ADGRL2: variants seen among roughly 807,000 people sequenced by gnomAD.
ADGRL2 encodes calcium-independent alpha-latrotoxin receptor 2.
In ADGRL2, 44 loss-of-function variants were observed where a neutral mutation model predicts 157.4. That is an observed-to-expected ratio of 0.28 (90% CI 0.22 to 0.36). The LOEUF (loss-of-function observed/expected upper bound fraction) is 0.36, where lower values mean the gene tolerates loss of function less well. Ranked by LOEUF, ADGRL2 falls within the 10% of genes least tolerant of loss-of-function variation. The pLI is 1.00. For missense variants in ADGRL2, 1,510 were observed against 1,768.9 expected (o/e 0.85, Z 2.63); for synonymous variants, 585 against 624.7 (o/e 0.94, Z 0.95).
intron 1 of ADGRL2, among the ~76,000 whole-genome samples, chr1:81,421,175 G>A (rs1239639096): frequency 3.3e-5 from 5 of 152,024 alleles, no homozygotes; most frequent in South Asian, 2.1e-4. Context: ...CTCCTATTAC[G>A]TGTTTATTTA....
At chr1:81,816,058 T>G (rs1309776187) in intron 1 of ADGRL2, among the ~76,000 whole-genome samples, 4 of 151,828 alleles carry the variant, frequency 2.6e-5, no homozygotes, top group Non-Finnish European at 5.9e-5. Flanking sequence ...AGTGCAAGCA[T>G]CACTTAAGTA....
At chr1:81,312,579 C>T (rs1426356359) in intron 1 of ADGRL2, among the ~76,000 whole-genome samples, 2 of 152,204 alleles carry the variant, frequency 1.3e-5, no homozygotes, top group Non-Finnish European at 2.9e-5. Flanking sequence ...CATTGAGGTA[C>T]TCTAACCACA....
intron 3 of ADGRL2, among the ~76,000 whole-genome samples, chr1:81,639,764 A>T (rs2082183377): frequency 6.6e-6 from 1 of 152,136 alleles, no homozygotes; most frequent in African/African-American, 2.4e-5. Context: ...AAAATATATG[A>T]GACAAACTCT....
chr1:81,913,523 T>C (rs753130821), intron 3 of ADGRL2, among the ~76,000 whole-genome samples: 22 of 152,148 alleles, frequency 1.4e-4, no homozygotes, highest in Non-Finnish European at 3.1e-4. Flanking sequence ...GCCATATAAA[T>C]AGGGACTCTG....
At chr1:81,496,336 G>A (rs571922348) in intron 2 of ADGRL2, among the ~76,000 whole-genome samples, 1 of 152,262 alleles carries the variant, frequency 6.6e-6, no homozygotes, top group African/African-American at 2.4e-5. Flanking sequence ...TTAATAAAAT[G>A]TCTGTCAACT....
At chr1:81,501,622 A>G (rs1264206397) in intron 2 of ADGRL2, among the ~76,000 whole-genome samples, 2 of 152,236 alleles carry the variant, frequency 1.3e-5, no homozygotes, top group Admixed American at 6.5e-5. Context: ...GGAGTCCGAG[A>G]CGCAGCTGCC....
At chr1:81,885,341 A>C (rs1219261488) in intron 2 of ADGRL2, among the ~76,000 whole-genome samples, 3 of 152,202 alleles carry the variant, frequency 2.0e-5, no homozygotes, top group Non-Finnish European at 2.9e-5. Flanking sequence ...AAAATGTTTA[A>C]CTTTAGACAT....
At chr1:81,613,426 A>G (rs2148677274) in intron 3 of ADGRL2, among the ~76,000 whole-genome samples, 1 of 152,308 alleles carries the variant, frequency 6.6e-6, no homozygotes, top group South Asian at 2.1e-4. Flanking sequence ...CCGTAACTGA[A>G]TCTTGAAGGT....
In ADGRL2 at chr1:81,939,596, G is replaced by A. The variant is rs149854285; in HGVS notation, c.398-2438G>A. Among the ~76,000 whole-genome samples the A allele has an allele frequency of 8.4e-3, 1,269 of 151,418 alleles. 8 individuals carry two copies. The highest frequency in any genetic ancestry group is 0.014 in the Admixed American group (206 of 15,140). ...GTATGTAGGCTGTGTAGTTAGTTTG[G>A]GTTAATTTCTTGTCTTGCATATCCA... is the stretch of plus-strand genomic sequence containing the variant. On this transcript the variant is annotated intron_variant, in intron 4 of 23. Transcript: ENST00000686636.
At chr1:81,488,422 G>A (rs531304643) in intron 2 of ADGRL2, among the ~76,000 whole-genome samples, 19 of 152,124 alleles carry the variant, frequency 1.2e-4, no homozygotes, top group South Asian at 4.2e-4. Context: ...TCCAGAGACC[G>A]GGCACAGTAG....
intron 2 of ADGRL2, among the ~76,000 whole-genome samples, chr1:81,770,097 C>T (rs1275375397): frequency 6.7e-6 from 1 of 150,014 alleles, no homozygotes; most frequent in Non-Finnish European, 1.5e-5. Flanking sequence ...TCAGGTGGTC[C>T]ACCTGCCTCA....
rs144406050 is a variant in ADGRL2, at chr1:81,395,667, T to C, written c.-301-49369T>C. ...CTTATGTTTTCCTCTAGTAGTTTTA[T>C]AGTTTCAGTGTTTACATTTAAATAT... On this transcript the variant is annotated intron_variant, in intron 1 of 24. Coordinates refer to the ADGRL2 transcript ENST00000370721. Among the ~76,000 whole-genome samples, 220 of 152,316 alleles carry C rather than the reference T, an allele frequency of 1.4e-3. 1 individual carries two copies. The highest frequency in any genetic ancestry group is 5.0e-3 in the African/African-American group (209 of 41,570).
At chr1:81,586,625 A>G (rs1269338348) in intron 3 of ADGRL2, among the ~76,000 whole-genome samples, 1 of 152,170 alleles carries the variant, frequency 6.6e-6, no homozygotes, top group Admixed American at 6.6e-5. Context: ...TTTTATTTAG[A>G]AAAAGCTAAA....
rs572447885 is a variant in ADGRL2, at chr1:81,888,200, C to T, written c.74-18817C>T. Among the ~76,000 whole-genome samples, 12 of 152,184 alleles carry T rather than the reference C, an allele frequency of 7.9e-5. No individual in the cohort carries two copies. The South Asian group carries it at 1.7e-3, about 21-fold the overall frequency. On this transcript the variant is annotated intron_variant, in intron 2 of 23. Coordinates refer to ENST00000686636, the MANE Select transcript of ADGRL2 (RefSeq NM_001366006.2). ...AGAATTTCAGAAGGTCAGCTATAAA[C>T]GTAGAAACTCCTCTTTTGATAAAGA...
intron 3 of ADGRL2, among the ~76,000 whole-genome samples, chr1:81,583,599 T>C (rs1465427552): frequency 2.6e-5 from 4 of 151,112 alleles, no homozygotes; most frequent in Admixed American, 6.7e-5. Context: ...CTCCTCCCCA[T>C]TGAAGATATT....
intron 2 of ADGRL2, among the ~76,000 whole-genome samples, chr1:81,455,296 A>C (rs2077781352): frequency 6.6e-6 from 1 of 152,168 alleles, no homozygotes; most frequent in Admixed American, 6.5e-5. Context: ...TGGAAAGGAA[A>C]CTAGGACGTC....
At chr1:81,829,426 A>G (rs1410542812) in intron 1 of ADGRL2, among the ~76,000 whole-genome samples, 1 of 152,186 alleles carries the variant, frequency 6.6e-6, no homozygotes, top group African/African-American at 2.4e-5. Flanking sequence ...AATGGTATGG[A>G]ACATTTGGCA....
chr1:81,445,819 T>C (rs1043415697), intron 2 of ADGRL2, among the ~76,000 whole-genome samples: 29 of 152,270 alleles, frequency 1.9e-4, no homozygotes, highest in Admixed American at 1.8e-3. Flanking sequence ...ATGGGAGAAA[T>C]TGTCATACCT....
chr1:81,657,419 A>G (rs1274472859), intron 3 of ADGRL2, among the ~76,000 whole-genome samples: 1 of 152,216 alleles, frequency 6.6e-6, no homozygotes, highest in Non-Finnish European at 1.5e-5. Context: ...ACAGTGAGAA[A>G]TGAATTTCTG....
Sources: gnomAD v4.1 joint callset for allele counts (sites outside exome capture counted in the v4.1 genomes callset) on GRCh38, gnomAD v4.1.1 for gene constraint, MANE v1.5 for transcripts, NCBI Gene and HGNC (gene_info 2026-07-23, HGNC 2026-07-21) for gene names.